SLC22A25: variants seen among roughly 807,000 people sequenced by gnomAD.
The protein encoded by SLC22A25 is solute carrier family 22 member 25.
A neutral mutation model predicts 45.9 loss-of-function variants in SLC22A25; 44 were observed. The observed-to-expected ratio is 0.96, with a 90% CI of 0.75 to 1.23. SLC22A25 has a LOEUF of 1.23. Among genes scored for constraint, SLC22A25 ranks in the 50% most tolerant of loss-of-function variants. The probability of loss-of-function intolerance (pLI) is 0.00; values close to 1 mark genes in which losing one functional copy is unlikely to be tolerated. For synonymous variants in SLC22A25, 283 were observed against 238.6 expected (o/e 1.19, Z -1.72); for missense variants, 800 against 666.4 (o/e 1.20, Z -2.21).
rs1372350469 is a variant in SLC22A25, at chr11:63,166,233, C to T, written c.1096G>A (p.Gly366Ser). The T allele has an allele frequency of 6.2e-7, 1 of 1,613,598 alleles. No homozygotes were observed. Among genetic ancestry groups the T allele is most frequent in the Admixed American group, 1.7e-5 (1 of 59,944 alleles). ...VRFASTIPFW[G>S]LTLHLQHLGN... ...AGATGCTGGAGGTGCAAAGTAAGGC[C>T]CCAAAAAGGGATGGTACTTGCAAAT... Residue 366 changes from glycine (G) to serine (S), a missense_variant, in exon 10 of 12, where the codon GGC becomes AGC. Coordinates refer to ENST00000306494, the MANE Select transcript of SLC22A25 (RefSeq NM_199352.6).
In SLC22A25 at chr11:63,215,963, G is replaced by T. The variant is rs113608283; in HGVS notation, c.830+1351C>A. On this transcript the variant is annotated intron_variant, in intron 7 of 11. Coordinates refer to ENST00000306494, the MANE Select transcript of SLC22A25 (RefSeq NM_199352.6). ...AGACATACTCTCATTCTTTTTTATG[G>T]TTGCATAATCATGGTGTGTAAGTAC... Among the ~76,000 whole-genome samples the T allele has an allele frequency of 1.8e-3, 269 of 152,184 alleles. 3 individuals are homozygous for T. The highest frequency in any genetic ancestry group is 5.6e-3 in the African/African-American group (234 of 41,540).
At chr11:63,192,156 A>G (rs184837053) in intron 7 of SLC22A25, among the ~76,000 whole-genome samples, 7 of 152,298 alleles carry the variant, frequency 4.6e-5, no homozygotes, top group African/African-American at 1.7e-4. Context: ...AACCCCCTAC[A>G]AGCCAGAAGA....
chr11:63,219,150 TA>T (rs2089791994), intron 5 of SLC22A25, among the ~76,000 whole-genome samples: 3 of 152,186 alleles, frequency 2.0e-5, no homozygotes, highest in South Asian at 4.1e-4. Context: ...CTAAGTTAAT[TA>T]GAATAAATTT....
intron 7 of SLC22A25, among the ~76,000 whole-genome samples, chr11:63,185,168 G>A (rs1274078284): frequency 6.6e-6 from 1 of 152,032 alleles, no homozygotes; most frequent in South Asian, 2.1e-4. Flanking sequence ...TTAAGGTTTA[G>A]GGTACATGTG....
intron 1 of SLC22A25, among the ~76,000 whole-genome samples, chr11:63,240,298 T>C (rs1032660545): frequency 3.9e-5 from 6 of 152,202 alleles, no homozygotes; most frequent in Non-Finnish European, 7.3e-5. Context: ...GGTGAGTGAA[T>C]GTGAAGGCAC....
In SLC22A25 at chr11:63,158,828, C is replaced by G. The variant is rs184148041; in HGVS notation, c.*4996G>C. ...GACTATAGTCATCCTGTTGTGCTAT[C>G]AAATAGTAGATCTTATTCATTCTTT... On this transcript the variant is annotated 3_prime_UTR_variant, in exon 12 of 12. Transcript: ENST00000306494. Among the ~76,000 whole-genome samples the G allele has an allele frequency of 4.9e-4, 75 of 152,258 alleles. No individual in the cohort carries two copies. The highest frequency in any genetic ancestry group is 5.8e-4 in the East Asian group (3 of 5,184).
At chr11:63,200,892 G>A (rs1389109655) in intron 7 of SLC22A25, among the ~76,000 whole-genome samples, 1 of 152,082 alleles carries the variant, frequency 6.6e-6, no homozygotes, top group East Asian at 1.9e-4. Context: ...AATAATGAAT[G>A]AACACCCATT....
At position 63,234,335 on chromosome 11, in the gene SLC22A25, T is replaced by C. The variant is rs111448812; in HGVS notation, c.-445+3546A>G. On this transcript the variant is annotated intron_variant, in intron 3 of 11. Coordinates refer to ENST00000306494, the MANE Select transcript of SLC22A25 (RefSeq NM_199352.6). ...TCTGGGTGCTCCTGTATTGGGCACA[T>C]ATATATTTAGGATAGTTAGCTCTTC... 3.8e-3 allele frequency among the ~76,000 whole-genome samples: 573 copies of C among 152,350 alleles called. 5 individuals are homozygous for C. Among genetic ancestry groups the C allele is most frequent in the African/African-American group, 0.012 (519 of 41,576 alleles).
At chr11:63,193,931 A>T (rs1414495134) in intron 7 of SLC22A25, among the ~76,000 whole-genome samples, 1 of 152,194 alleles carries the variant, frequency 6.6e-6, no homozygotes, top group Non-Finnish European at 1.5e-5. Flanking sequence ...GATTCGACAA[A>T]TGGCTAACTA....
At chr11:63,213,909 G>T (rs115582819) in intron 7 of SLC22A25, among the ~76,000 whole-genome samples, 1 of 152,178 alleles carries the variant, frequency 6.6e-6, no homozygotes, top group Non-Finnish European at 1.5e-5. Context: ...CTCGGTAGTC[G>T]AGGCTCAAGC....
intron 4 of SLC22A25, 68 bp from the exon 5 acceptor site, chr11:63,228,632 A>C: frequency 8.5e-7 from 1 of 1,178,774 alleles, no homozygotes; most frequent in African/African-American, 1.6e-5. Flanking sequence ...AAAATGTCTT[A>C]AAATAGCCTG....
At chr11:63,164,497 A>G in intron 11 of SLC22A25, 29 bp downstream of exon 11, 2 of 1,579,872 alleles carry the variant, frequency 1.3e-6, no homozygotes, top group Non-Finnish European at 1.7e-6. Flanking sequence ...CCATTTTGAG[A>G]ATGACAGAGC....
chr11:63,181,934 G>A (rs933767153), intron 8 of SLC22A25, among the ~76,000 whole-genome samples: 1 of 152,028 alleles, frequency 6.6e-6, no homozygotes, highest in Non-Finnish European at 1.5e-5. Flanking sequence ...TCTCAGTTAT[G>A]TGTGGTTTGG....
rs148548512 is a variant in SLC22A25 at position 63,198,189 on chromosome 11, A to G, written c.831-14372T>C. On this transcript the variant is annotated intron_variant, in intron 7 of 11. Coordinates refer to ENST00000306494, the MANE Select transcript of SLC22A25 (RefSeq NM_199352.6). ...GGTGATTCCTGAAGGATCTAGAACT[A>G]GAAATACCATTTGACCCAGCGATCC... is the stretch of plus-strand genomic sequence containing the variant. Among the ~76,000 whole-genome samples, 97 of 152,350 alleles carry G rather than the reference A, an allele frequency of 6.4e-4. 1 individual carries two copies. In the East Asian group the frequency reaches 0.017, roughly 26 times the overall value.
chr11:63,240,138 A>T (rs940720065), intron 1 of SLC22A25, among the ~76,000 whole-genome samples: 1 of 152,174 alleles, frequency 6.6e-6, no homozygotes, highest in African/African-American at 2.4e-5. Context: ...ATTATAATAC[A>T]TTGGTGCTTG....
chr11:63,166,286 A>G (rs1035567117), intron 9 of SLC22A25, 28 bp from the exon 10 acceptor site: 5 of 1,611,274 alleles, frequency 3.1e-6, no homozygotes, highest in Non-Finnish European at 3.4e-6. Flanking sequence ...AAAGGCACAT[A>G]TTATAATCTG....
chr11:63,165,044 C>T (rs1036755490), intron 10 of SLC22A25, among the ~76,000 whole-genome samples: 6 of 151,922 alleles, frequency 3.9e-5, no homozygotes, highest in Admixed American at 3.3e-4. Flanking sequence ...ATTTTAAAAC[C>T]CAGATATATA....
intron 1 of SLC22A25, among the ~76,000 whole-genome samples, chr11:63,241,738 A>C (rs2090252018): frequency 6.6e-6 from 1 of 152,194 alleles, no homozygotes; most frequent in Non-Finnish European, 1.5e-5. Context: ...GAACCTAGAA[A>C]GGCTATTTTC....
Position 63,180,580 on chromosome 11 carries a change from A to G in SLC22A25, c.1070+80T>C. 5 of 1,013,590 alleles carry G rather than the reference A, an allele frequency of 4.9e-6. No homozygotes were observed. In the South Asian group the frequency reaches 9.0e-5, roughly 18 times the overall value. 62.8% of individuals were successfully genotyped at this position (1,013,590 alleles called of 1,614,324 possible). A position where few individuals can be genotyped will look rare whatever the true frequency, so the allele number is the denominator to read the frequency against. On this transcript the variant is annotated intron_variant, in intron 9 of 11. Transcript: ENST00000306494. ...TTTATCCCCCAAATATTTTCCTTCA[A>G]CATGTTGTATCATTTGAAATAAGAA...
Sources: allele counts gnomAD v4.1 joint callset (sites outside exome capture counted in the v4.1 genomes callset), GRCh38; gene constraint gnomAD v4.1.1; transcripts MANE v1.5; gene names NCBI Gene and HGNC (gene_info 2026-07-23, HGNC 2026-07-21).